CSMD3: variants seen among roughly 807,000 people sequenced by gnomAD.
CSMD3 encodes CUB and sushi domain-containing protein 3.
Under a neutral mutation model 435.2 loss-of-function variants are expected in CSMD3, and 177 were observed. That is an observed-to-expected ratio of 0.41 (90% CI 0.36 to 0.46). The LOEUF (loss-of-function observed/expected upper bound fraction) is 0.46. Ranked by LOEUF, CSMD3 falls within the 20% of genes least tolerant of loss-of-function variation. The pLI is 0.34. For synonymous variants in CSMD3, 1,656 were observed against 1,520.5 expected, an observed-to-expected ratio of 1.09 and a Z score of -2.07; for missense variants, 4,265 against 4,504.6, an observed-to-expected ratio of 0.95 and a Z score of 1.52.
chr8:112,623,207 G>A (rs940378260), intron 22 of CSMD3, among the ~76,000 whole-genome samples: 6 of 152,122 alleles, frequency 3.9e-5, no homozygotes, highest in Non-Finnish European at 7.4e-5. Flanking sequence ...TTGGGGATTC[G>A]AAAAAGAGCT....
rs944016777 is a variant in CSMD3, at chr8:113,118,189, C to G, written c.710-19226G>C. ...ATGTAATAGATTTTTTTACCGTTGT[C>G]TCATTTGACTTTAGAATATAAATGC... On this transcript the variant is annotated intron_variant, in intron 4 of 70. Transcript: ENST00000297405. Among the ~76,000 whole-genome samples the G allele has an allele frequency of 2.0e-5, 3 of 152,246 alleles. 1 individual carries two copies. In the South Asian group the frequency reaches 6.2e-4, roughly 32 times the overall value.
intron 12 of CSMD3, among the ~76,000 whole-genome samples, chr8:112,808,426 T>C (rs927209276): frequency 2.1e-4 from 32 of 152,178 alleles, no homozygotes; most frequent in African/African-American, 7.7e-4. Context: ...TTTGGTTCCT[T>C]CACTTGCAGC....
At chr8:113,365,491 G>T (rs1258534323) in intron 1 of CSMD3, among the ~76,000 whole-genome samples, 2 of 151,866 alleles carry the variant, frequency 1.3e-5, no homozygotes, top group African/African-American at 4.8e-5. Context: ...ATGTAACTTT[G>T]GTCAGAATGA....
At chr8:112,335,298 A>T in intron 45 of CSMD3, 31 bp downstream of exon 45, 2 of 1,605,610 alleles carry the variant, frequency 1.2e-6, no homozygotes, top group South Asian at 1.1e-5. Context: ...AACAGTAGCA[A>T]ATGAAATAGG....
chr8:113,171,406 C>CT (rs1021659734), intron 4 of CSMD3, among the ~76,000 whole-genome samples: 224 of 152,190 alleles, frequency 1.5e-3, no homozygotes, highest in African/African-American at 5.3e-3. Flanking sequence ...ATGAAGGAAC[C>CT]TAACAACAGA....
rs573306860 is a variant in CSMD3 at position 112,255,354 on chromosome 8, C to T, written c.9936G>A (p.Glu3312=). The T allele has an allele frequency of 2.5e-6, 4 of 1,613,690 alleles. No individual in the cohort carries two copies. The highest frequency in any genetic ancestry group is 3.3e-5 in the Admixed American group (2 of 59,960). The change falls in exon 62 of 71, where the codon GAG becomes GAA. Residue 3312 remains glutamate, a synonymous_variant. Transcript: ENST00000297405. ...REGKSFIYQS[E]VSFSCNFPFI... Reference sequence around the variant, plus strand: ...AAGGAAAATTGCAGCTGAATGAAACCTCTGACTGGTATATAAAGCTTTTGC... The same window carrying T: ...AAGGAAAATTGCAGCTGAATGAAACTTCTGACTGGTATATAAAGCTTTTGC...
chr8:113,314,830 A>G (rs1453341903), intron 1 of CSMD3, 37 bp from the exon 2 acceptor site: 5 of 1,268,808 alleles, frequency 3.9e-6, no homozygotes, highest in Non-Finnish European at 5.8e-6. Flanking sequence ...TTAATATTAT[A>G]TAAATCAAGA....
intron 35 of CSMD3, among the ~76,000 whole-genome samples, chr8:112,395,492 G>C (rs185326086): frequency 0.012 from 1,883 of 152,224 alleles, 60 homozygotes; most frequent in Admixed American, 0.076. Context: ...TCTAAGAAAA[G>C]ATGAAGTAGA....
rs535483509 is a variant in CSMD3, at chr8:113,240,064, C to T, written c.514+38528G>A. 1.1e-3 allele frequency among the ~76,000 whole-genome samples: 165 copies of T among 152,124 alleles called. 1 individual carries two copies. The highest frequency in any genetic ancestry group is 3.9e-3 in the African/African-American group (163 of 41,510). On this transcript the variant is annotated intron_variant, in intron 3 of 70. Transcript: ENST00000297405. ...GTTCCCCTCTATGTGTCCATGTGTT[C>T]TCATCATTTAGCTCTCACTTATAAG...
chr8:113,193,569 T>A (rs775199040), intron 3 of CSMD3, among the ~76,000 whole-genome samples: 13 of 151,436 alleles, frequency 8.6e-5, no homozygotes, highest in Admixed American at 2.0e-4. Context: ...TTATCTCCCA[T>A]TATCTATATT....
intron 22 of CSMD3, among the ~76,000 whole-genome samples, chr8:112,622,699 G>A (rs952394387): frequency 2.6e-5 from 4 of 152,054 alleles, no homozygotes; most frequent in South Asian, 2.1e-4. Flanking sequence ...TGAGTATTGC[G>A]TTATCTGGCA....
chr8:112,699,987 T>C (rs1159912567), intron 13 of CSMD3, among the ~76,000 whole-genome samples: 1 of 152,074 alleles, frequency 6.6e-6, no homozygotes, highest in African/African-American at 2.4e-5. Flanking sequence ...TGTGTGTAGT[T>C]AGTGAAATTT....
At chr8:112,538,586 A>G in intron 27 of CSMD3, among the ~76,000 whole-genome samples, 1 of 152,142 alleles carries the variant, frequency 6.6e-6, no homozygotes, top group East Asian at 1.9e-4. Context: ...TCATGAAATA[A>G]ATCCCATTTA....
intron 13 of CSMD3, among the ~76,000 whole-genome samples, chr8:112,732,567 C>T (rs1017138731): frequency 3.3e-5 from 5 of 151,604 alleles, no homozygotes; most frequent in African/African-American, 1.2e-4. Flanking sequence ...CTCGTCTCTA[C>T]TAAAAATACA....
chr8:113,126,360 T>C (rs1028703205), intron 4 of CSMD3, among the ~76,000 whole-genome samples: 9 of 151,850 alleles, frequency 5.9e-5, no homozygotes, highest in Admixed American at 1.3e-4. Context: ...ACTGGAAAAA[T>C]ACTTGAAAAT....
intron 32 of CSMD3, among the ~76,000 whole-genome samples, chr8:112,414,001 C>A (rs961349826): frequency 2.0e-5 from 3 of 152,148 alleles, no homozygotes; most frequent in Non-Finnish European, 4.4e-5. Flanking sequence ...ACCAACAGTA[C>A]TGTTAGGGTG....
At chr8:113,382,934 TC>T (rs1255661635) in intron 1 of CSMD3, among the ~76,000 whole-genome samples, 1 of 152,170 alleles carries the variant, frequency 6.6e-6, no homozygotes, top group African/African-American at 2.4e-5. Context: ...TGAGCTGAGA[TC>T]GTGCCACTGC....
intron 13 of CSMD3, among the ~76,000 whole-genome samples, chr8:112,690,993 T>C (rs1306232509): frequency 6.6e-6 from 1 of 152,174 alleles, no homozygotes; most frequent in Non-Finnish European, 1.5e-5. Flanking sequence ...CGATTTAATG[T>C]GTATCTTTCC....
At chr8:112,475,212 TGTAAC>T (rs1190230067) in intron 31 of CSMD3, among the ~76,000 whole-genome samples, 2 of 152,214 alleles carry the variant, frequency 1.3e-5, no homozygotes, top group South Asian at 2.1e-4. Context: ...AGTTCAGTTC[TGTAAC>T]TTAGTCATGA....
Sources: gnomAD v4.1 joint callset for allele counts (sites outside exome capture counted in the v4.1 genomes callset) on GRCh38, gnomAD v4.1.1 for gene constraint, MANE v1.5 for transcripts, NCBI Gene and HGNC (gene_info 2026-07-23, HGNC 2026-07-21) for gene names.